Variants in CEP152 observed in about 807,000 individuals in gnomAD.
CEP152 encodes the protein centrosomal protein 152.
A neutral mutation model predicts 188.9 loss-of-function variants in CEP152; 132 were observed. The ratio of observed to expected loss-of-function variants is 0.70; its 90% confidence interval spans 0.61 to 0.81. The LOEUF is 0.81. Among genes scored for constraint, CEP152 ranks in the 30% least tolerant of loss-of-function variants. The pLI is 0.00. For missense variants in CEP152, 1,914 were observed against 1,969.8 expected (o/e 0.97, Z 0.54); for synonymous variants, 649 against 666.6 (o/e 0.97, Z 0.41).
chr15:48,802,032 G>A (rs11070651), intron 2 of CEP152, among the ~76,000 whole-genome samples: 58,221 of 151,066 alleles, frequency 0.39, 11,692 homozygotes, highest in Middle Eastern at 0.47. Flanking sequence ...GGGAGGCAGC[G>A]TCAGCCAAGA....
intron 26 of CEP152, among the ~76,000 whole-genome samples, chr15:48,740,325 T>C (rs1454762505): frequency 6.6e-6 from 1 of 152,140 alleles, no homozygotes; most frequent in African/African-American, 2.4e-5. Flanking sequence ...TATATCATTC[T>C]CCATCCCCTG....
intron 20 of CEP152, among the ~76,000 whole-genome samples, chr15:48,754,336 A>T (rs1256267605): frequency 6.6e-6 from 1 of 152,134 alleles, no homozygotes; most frequent in Non-Finnish European, 1.5e-5. Context: ...TTTTATATGT[A>T]TATATTAATG....
intron 18 of CEP152, among the ~76,000 whole-genome samples, chr15:48,762,116 C>G (rs1296596589): frequency 6.6e-6 from 1 of 152,152 alleles, no homozygotes; most frequent in African/African-American, 2.4e-5. Context: ...GTAAAAAGCA[C>G]CCTCTTTAAC....
chr15:48,797,995 A>T lies in CEP152; in HGVS notation c.144T>A (p.Ser48=), dbSNP rs757625427. The T allele has an allele frequency of 6.2e-7, 1 of 1,613,920 alleles. No homozygotes were observed. The highest frequency in any genetic ancestry group is 1.7e-5 in the Admixed American group (1 of 59,974). The change falls in exon 3 of 27, where the codon TCT becomes TCA. Residue 48 remains serine (S), a synonymous_variant. Transcript: ENST00000380950. ...TGCAGTCCGAATACTGGAGCTCTGG[A>T]GAGGAGAGGTCGTCATCCAGCATGT... ...PHDMLDDDLS[S]PELQYSDCSE...
At chr15:48,797,821 T>C (rs1004053757) in intron 3 of CEP152, 91 bp from the exon 4 acceptor site, 2 of 1,543,410 alleles carry the variant, frequency 1.3e-6, no homozygotes, top group African/African-American at 2.7e-5. Flanking sequence ...CCTTTTTCCT[T>C]CCAATCTTCA....
Position 48,791,232 on chromosome 15 carries a change from G to T in CEP152, c.972+5C>A. 1 of 1,609,392 alleles carries T rather than the reference G, an allele frequency of 6.2e-7. No homozygotes were observed. The highest frequency in any genetic ancestry group is 1.1e-5 in the South Asian group (1 of 90,338). Reference sequence around the variant, plus strand: ...TTTTTACCATACATAAGTTAAAATAGGTACCTGTTCTTCATTGACTTTTAA... The same window carrying T: ...TTTTTACCATACATAAGTTAAAATATGTACCTGTTCTTCATTGACTTTTAA... On this transcript the variant is annotated splice_donor_5th_base_variant and intron_variant, in intron 8 of 26. Transcript: ENST00000380950.
Position 48,791,346 on chromosome 15 carries a change from C to A in CEP152, c.863G>T (p.Arg288Leu). The change falls in exon 8 of 27, where the codon CGA (arginine) becomes CTA (leucine). Residue 288 changes from arginine to leucine, a missense_variant. Physicochemically the swap from Arg to Leu is moderately radical, Grantham distance 102. Transcript: ENST00000380950. Reference sequence around the variant, plus strand: ...ATTCTGAAAGAGTTTCTGTGATTCTCGAAGGCTGAGAGTCAAACCATCCTT... The same window carrying A: ...ATTCTGAAAGAGTTTCTGTGATTCTAGAAGGCTGAGAGTCAAACCATCCTT... ...DEKDGLTLSL[R>L]ESQKLFQNGK... 6.2e-7 allele frequency: 1 copy of A among 1,612,524 alleles called. No individual in the cohort carries two copies. The highest frequency in any genetic ancestry group is 8.5e-7 in the Non-Finnish European group (1 of 1,179,664).
rs767917748 is a variant in CEP152 at position 48,769,099 on chromosome 15, A to G, written c.1783-18T>C. 5.0e-6 allele frequency: 8 copies of G among 1,588,580 alleles called. No individual in the cohort carries two copies. In the East Asian group the frequency reaches 1.8e-4, roughly 36 times the overall value. ...GTTTTAGTCTGAATATTAAAAGGTC[A>G]AAAGTTTTACAAGTTTTAAAAAATT... On this transcript the variant is annotated intron_variant, in intron 13 of 26. Coordinates refer to ENST00000380950, the MANE Select transcript of CEP152 (RefSeq NM_001194998.2).
In CEP152 at chr15:48,772,634, C is replaced by T. The variant is rs776046325; in HGVS notation, c.1635G>A (p.Lys545=). 2.5e-6 allele frequency: 4 copies of T among 1,614,110 alleles called. No homozygotes were observed. In the South Asian group the frequency reaches 4.4e-5, roughly 18 times the overall value. Reference sequence around the variant, plus strand: ...GCAAACGCTGTACTTCTGCCTTTAACTTCAGAATGAACTCATCTTTTGAAA... The same window carrying T: ...GCAAACGCTGTACTTCTGCCTTTAATTTCAGAATGAACTCATCTTTTGAAA... ...EELSKDEFIL[K]LKAEVQRLLG... Residue 545 remains lysine (K), a synonymous_variant, in exon 13 of 27, where the codon AAG becomes AAA. Transcript: ENST00000380950.
chr15:48,765,995 T>C (rs11631110), intron 17 of CEP152, among the ~76,000 whole-genome samples: 55,300 of 151,802 alleles, frequency 0.36, 12,825 homozygotes, highest in Non-Finnish European at 0.51. Flanking sequence ...GTGATTTCCC[T>C]ATTTTAATTT....
intron 24 of CEP152, among the ~76,000 whole-genome samples, chr15:48,742,583 G>C (rs769211969): frequency 6.6e-6 from 1 of 152,078 alleles, no homozygotes; most frequent in African/African-American, 2.4e-5. Context: ...GAAAATTTAC[G>C]TTCCATTATT....
chr15:48,773,401 TG>T (rs1462007189), intron 12 of CEP152: 1 of 152,674 alleles, frequency 6.5e-6, no homozygotes, highest in Non-Finnish European at 1.5e-5. Flanking sequence ...CCCAGCTTTC[TG>T]CCTGGAGAGT....
chr15:48,810,688 C>G (rs12907530), intron 1 of CEP152: 58,225 of 152,298 alleles, frequency 0.38, 11,682 homozygotes, highest in Middle Eastern at 0.46. Flanking sequence ...GTGACCAAGG[C>G]GGGGTCCGCA....
At chr15:48,767,561 C>A in intron 15 of CEP152, 98 bp from the exon 16 acceptor site, 1 of 1,518,648 alleles carries the variant, frequency 6.6e-7, no homozygotes, top group Non-Finnish European at 9.1e-7. Flanking sequence ...CCCTCTAATG[C>A]AAATTATAAT....
Position 48,741,995 on chromosome 15 carries a change from T to C in CEP152, c.3941A>G (p.Tyr1314Cys). The change falls in exon 25 of 27, where the codon TAT (tyrosine) becomes TGT (cysteine). Residue 1314 changes from tyrosine to cysteine, a missense_variant. Physicochemically the swap from Tyr to Cys is radical, Grantham distance 194. Coordinates refer to ENST00000380950, the MANE Select transcript of CEP152 (RefSeq NM_001194998.2). Reference protein sequence around the residue: ...RQETARKMRKYYLICLQQILQ... With the variant: ...RQETARKMRKCYLICLQQILQ... ...AATCTGTTGGAGGCAAATCAAATAATATTTGCGCATCTTTCGGGCGGTTTC... is the reference window on the plus strand; with the variant it reads ...AATCTGTTGGAGGCAAATCAAATAACATTTGCGCATCTTTCGGGCGGTTTC... 1 of 1,614,206 alleles carries C rather than the reference T, an allele frequency of 6.2e-7. No individual in the cohort carries two copies.
Position 48,768,950 on chromosome 15 carries a change from A to G in CEP152, c.1908+6T>C. 6.7e-7 allele frequency: 1 copy of G among 1,482,270 alleles called. No individual in the cohort carries two copies. Among genetic ancestry groups the G allele is most frequent in the Non-Finnish European group, 9.3e-7 (1 of 1,079,800 alleles). The allele number at this position is 1,482,270 out of a possible 1,614,324, so 91.8% of individuals were successfully genotyped here. ...CTCATAAAATATAAAAAATATTTTT[A>G]ATCACCTGATTTTGTTGTTGTAAAA... On this transcript the variant is annotated splice_donor_region_variant and intron_variant, in intron 14 of 26. Coordinates refer to ENST00000380950, the MANE Select transcript of CEP152 (RefSeq NM_001194998.2).
At chr15:48,765,580 T>C (rs970759688) in intron 17 of CEP152, 7 of 422,750 alleles carry the variant, frequency 1.7e-5, no homozygotes, top group African/African-American at 1.5e-4. Flanking sequence ...ATTAAAAGTA[T>C]CAGAAAATAT....
chr15:48,787,805 C>G (rs1334713083), intron 9 of CEP152, among the ~76,000 whole-genome samples: 2 of 152,090 alleles, frequency 1.3e-5, no homozygotes, highest in Non-Finnish European at 1.5e-5. Flanking sequence ...AAAATAAATT[C>G]TGAAATGTTA....
chr15:48,756,851 G>A (rs1303807483), intron 19 of CEP152, among the ~76,000 whole-genome samples: 3 of 152,100 alleles, frequency 2.0e-5, no homozygotes, highest in East Asian at 3.9e-4. Flanking sequence ...TCTTAATACA[G>A]ATACAATCTC....
Sources: allele counts gnomAD v4.1 joint callset (sites outside exome capture counted in the v4.1 genomes callset), GRCh38; gene constraint gnomAD v4.1.1; transcripts MANE v1.5; gene names NCBI Gene and HGNC (gene_info 2026-07-23, HGNC 2026-07-21).